The following B4GALNT2 variants were observed in gnomAD, a reference collection of about 807,000 sequenced individuals.
B4GALNT2 encodes N-acetylneuraminylgalactosylglucosyl-glucoside beta-1,4-N- acetylgalactosaminyltransferase 2.
In B4GALNT2, 42 loss-of-function variants were observed where a neutral mutation model predicts 51.1. The ratio of observed to expected loss-of-function variants is 0.82; its 90% CI spans 0.64 to 1.06. B4GALNT2 has a LOEUF of 1.06. Among genes scored for constraint, B4GALNT2 ranks in the 50% least tolerant of loss-of-function variants. The pLI is 0.00. For synonymous variants in B4GALNT2, 253 were observed against 251.7 expected, an observed-to-expected ratio of 1.01 and a Z score of -0.05; for missense variants, 602 against 633.6, an observed-to-expected ratio of 0.95 and a Z score of 0.54.
At chr17:49,122,014 G>A in the B4GALNT2 span, among the ~76,000 whole-genome samples, 2 of 152,360 alleles carry the variant, frequency 1.3e-5, no homozygotes, top group South Asian at 4.1e-4. Flanking sequence ...GTTTTAGGGT[G>A]AGAAAGCTTA....
At chr17:49,120,406 T>C in the B4GALNT2 span, among the ~76,000 whole-genome samples, 3 of 152,168 alleles carry the variant, frequency 2.0e-5, no homozygotes, top group East Asian at 5.8e-4. Flanking sequence ...GGAACTAACA[T>C]TTAACCAGAG....
At position 49,141,530 on chromosome 17, in the gene B4GALNT2, A is replaced by G. The variant is rs937195026; in HGVS notation, c.215+83A>G. Reference sequence around the variant, plus strand: ...TCAAGTACCATGCCCTACTGTGCCCATTGTACAGATGGTTCCCTTGCTTTC... The same window carrying G: ...TCAAGTACCATGCCCTACTGTGCCCGTTGTACAGATGGTTCCCTTGCTTTC... On this transcript the variant is annotated intron_variant, in intron 2 of 10. Transcript: ENST00000393354. The G allele has an allele frequency of 1.6e-5, 22 of 1,411,686 alleles. No homozygotes were observed. The South Asian group carries it at 2.4e-4, about 15-fold the overall frequency. 87.4% of individuals were successfully genotyped at this position (1,411,686 alleles called of 1,614,324 possible).
At chr17:49,150,319 T>G (rs181320713) in intron 3 of B4GALNT2, among the ~76,000 whole-genome samples, 10,388 of 143,442 alleles carry the variant, frequency 0.072, 1,238 homozygotes, top group African/African-American at 0.18. Context: ...CCCCCCCGCC[T>G]GGCCAGCAGC....
rs2144347870 is a variant in B4GALNT2, at chr17:49,169,751, C to T, written c.*23C>T. On this transcript the variant is annotated 3_prime_UTR_variant, in exon 11 of 11. Coordinates refer to ENST00000393354, the MANE Select transcript of B4GALNT2 (RefSeq NM_001159387.2). ...TAAAGGTGTGAGGGCATAGGAGAAA[C>T]ACTAGGCTGGCTGGTTATGGTATCT... 6.6e-7 allele frequency: 1 copy of T among 1,526,052 alleles called. No individual in the cohort carries two copies. The highest frequency in any genetic ancestry group is 1.3e-5 in the South Asian group (1 of 77,380). The allele number at this position is 1,526,052 out of a possible 1,614,324, so 94.5% of individuals were successfully genotyped here.
chr17:49,140,229 T>C (rs963896654), intron 1 of B4GALNT2, among the ~76,000 whole-genome samples: 1 of 151,606 alleles, frequency 6.6e-6, no homozygotes, highest in Non-Finnish European at 1.5e-5. Flanking sequence ...GCCTCCCGAG[T>C]AGCTGGGACT....
chr17:49,165,241 G>A (rs1345263008), intron 8 of B4GALNT2, among the ~76,000 whole-genome samples: 1 of 151,074 alleles, frequency 6.6e-6, no homozygotes, highest in Non-Finnish European at 1.5e-5. Flanking sequence ...CCAGAGCTAG[G>A]GTCTTGGTCT....
chr17:49,139,875 A>G (rs1428773704), intron 1 of B4GALNT2, among the ~76,000 whole-genome samples: 1 of 150,570 alleles, frequency 6.6e-6, no homozygotes, highest in Non-Finnish European at 1.5e-5. Context: ...ACTTTATTAC[A>G]GTTTTCTTTG....
chr17:49,133,801 T>C (rs1228086197), intron 1 of B4GALNT2, among the ~76,000 whole-genome samples: 1 of 152,038 alleles, frequency 6.6e-6, no homozygotes, highest in South Asian at 2.1e-4. Flanking sequence ...TAATCCCAGC[T>C]ACTTGGGAGG....
intron 6 of B4GALNT2, 93 bp from the exon 7 acceptor site, chr17:49,160,462 C>T (rs1380556291): frequency 8.5e-7 from 1 of 1,180,254 alleles, no homozygotes; most frequent in Non-Finnish European, 1.3e-6. Context: ...CCCACCAAAC[C>T]TGTACTCGCC....
upstream of B4GALNT2, among the ~76,000 whole-genome samples, chr17:49,130,236 G>C (rs771487084): frequency 6.6e-6 from 1 of 152,228 alleles, no homozygotes; most frequent in Non-Finnish European, 1.5e-5. Context: ...CCACAGATCT[G>C]ATGGAAAAGA....
At chr17:49,152,151 A>T (rs1598207159) in intron 3 of B4GALNT2, among the ~76,000 whole-genome samples, 1 of 152,064 alleles carries the variant, frequency 6.6e-6, no homozygotes, top group African/African-American at 2.4e-5. Context: ...CTGAGGCAGG[A>T]GGATTGCTTG....
At chr17:49,134,519 C>T (rs2042572737) in intron 1 of B4GALNT2, among the ~76,000 whole-genome samples, 1 of 152,230 alleles carries the variant, frequency 6.6e-6, no homozygotes, top group Admixed American at 6.5e-5. Context: ...ATTCTTCCAC[C>T]TCAGCCTCCC....
intron 5 of B4GALNT2, among the ~76,000 whole-genome samples, chr17:49,158,651 A>T (rs1332530288): frequency 6.6e-6 from 1 of 151,662 alleles, no homozygotes; most frequent in Non-Finnish European, 1.5e-5. Flanking sequence ...AAAAAAAAAA[A>T]AAAAAAGGAA....
chr17:49,154,425 C>A (rs983670434), intron 4 of B4GALNT2, among the ~76,000 whole-genome samples: 1 of 151,990 alleles, frequency 6.6e-6, no homozygotes, highest in African/African-American at 2.4e-5. Flanking sequence ...ATCAGAGGGA[C>A]CAGAAGGATG....
the B4GALNT2 span, among the ~76,000 whole-genome samples, chr17:49,120,630 T>C: frequency 6.6e-6 from 1 of 151,968 alleles, no homozygotes; most frequent in Non-Finnish European, 1.5e-5. Context: ...CTCAGCCTCC[T>C]GAGTAGCTGG....
At chr17:49,129,424 G>C (rs1345493222), upstream of B4GALNT2, among the ~76,000 whole-genome samples, 3 of 152,282 alleles carry the variant, frequency 2.0e-5, no homozygotes, top group East Asian at 5.8e-4. Flanking sequence ...GGTGGCCAGA[G>C]ACTCTCAGGA....
chr17:49,155,897 T>G (rs113362502), intron 4 of B4GALNT2, among the ~76,000 whole-genome samples: 5,894 of 151,712 alleles, frequency 0.039, 150 homozygotes, highest in Non-Finnish European at 0.044. Context: ...CAATTTTTTT[T>G]TGTGTGTTTT....
chr17:49,152,608 G>A (rs1204526564), intron 3 of B4GALNT2, among the ~76,000 whole-genome samples, 192 bp from the exon 4 acceptor site: 2 of 152,172 alleles, frequency 1.3e-5, no homozygotes, highest in Admixed American at 6.5e-5. Flanking sequence ...CCCGGGAGGC[G>A]GAGCTTGCAG....
At chr17:49,160,695 GA>G in intron 7 of B4GALNT2, 54 bp downstream of exon 7, 2 of 1,502,352 alleles carry the variant, frequency 1.3e-6, no homozygotes, top group Non-Finnish European at 1.9e-6. Context: ...AGCTATTGGT[GA>G]AATTCAGAAG....
Sources: allele counts gnomAD v4.1 joint callset (sites outside exome capture counted in the v4.1 genomes callset), GRCh38; gene constraint gnomAD v4.1.1; transcripts MANE v1.5; gene names NCBI Gene and HGNC (gene_info 2026-07-23, HGNC 2026-07-21).